Variants in NOL4L observed in about 807,000 individuals in gnomAD.
The protein encoded by NOL4L is nucleolar protein 4 like.
A neutral mutation model predicts 64.5 loss-of-function variants in NOL4L; 7 were observed. That is an observed-to-expected ratio of 0.11 (90% confidence interval 0.06 to 0.20). The LOEUF (loss-of-function observed/expected upper bound fraction) is 0.20, where lower values mean the gene tolerates loss of function less well. NOL4L is among the 10% of genes least tolerant of loss of function. NOL4L has a pLI of 1.00. For missense variants in NOL4L, 680 were observed against 967.1 expected, an observed-to-expected ratio of 0.70 and a Z score of 3.94; for synonymous variants, 413 against 401.0, an observed-to-expected ratio of 1.03 and a Z score of -0.36.
intron 1 of NOL4L, 47 bp from the exon 2 acceptor site, chr20:32,527,960 G>A (rs975092541): frequency 3.5e-5 from 53 of 1,530,170 alleles, no homozygotes; most frequent in Non-Finnish European, 4.1e-5. Flanking sequence ...ATGATGGCGG[G>A]GTGAGAACTG....
At chr20:32,488,851 CTTTCTTTCTTTCTTTCTTTCTTTCT>C (rs1568649181) in intron 4 of NOL4L, among the ~76,000 whole-genome samples, 10 of 70,730 alleles carry the variant, frequency 1.4e-4, no homozygotes, top group African/African-American at 8.7e-4. Context: ...TTCTTTCTTT[CTTTCTTTCTTTCTTTCTTTCTTTCT>C]TTCTTTCTTT....
chr20:32,501,407 A>G (rs1319248353), intron 4 of NOL4L, among the ~76,000 whole-genome samples: 1 of 152,270 alleles, frequency 6.6e-6, no homozygotes, highest in East Asian at 1.9e-4. Context: ...ATTAAATGGA[A>G]TTAAATGTTA....
chr20:32,490,673 C>T (rs951987528), intron 4 of NOL4L, among the ~76,000 whole-genome samples: 2 of 152,168 alleles, frequency 1.3e-5, no homozygotes, highest in Non-Finnish European at 2.9e-5. Context: ...TTTTCCATTA[C>T]GAATACAACT....
At chr20:32,568,268 T>C (rs1156345765) in intron 1 of NOL4L, among the ~76,000 whole-genome samples, 1 of 152,184 alleles carries the variant, frequency 6.6e-6, no homozygotes, top group Non-Finnish European at 1.5e-5. Flanking sequence ...TCTATGGGTC[T>C]CAACAGTGCA....
At chr20:32,494,253 G>GGAAA (rs2016583470) in intron 4 of NOL4L, among the ~76,000 whole-genome samples, 1 of 22,064 alleles carries the variant, frequency 4.5e-5, no homozygotes, top group African/African-American at 1.4e-4. Context: ...ATAATCTCGG[G>GGAAA]AAAAAAAAAA....
chr20:32,550,041 CAT>C (rs553095508), intron 1 of NOL4L, among the ~76,000 whole-genome samples: 10 of 152,238 alleles, frequency 6.6e-5, no homozygotes, highest in South Asian at 2.1e-4. Context: ...AAATAAATAA[CAT>C]GTGGTATGTC....
intron 6 of NOL4L, chr20:32,454,080 A>G (rs1178987783): frequency 6.2e-6 from 2 of 320,552 alleles, no homozygotes; most frequent in East Asian, 1.1e-4. Context: ...GGCCAACACC[A>G]GGACCTGCCA....
Position 32,447,147 on chromosome 20 carries a change from T to C in NOL4L, c.*449A>G, listed in dbSNP as rs1456801012. 4.8e-5 allele frequency: 21 copies of C among 438,872 alleles called. 1 individual carries two copies. The highest frequency in any genetic ancestry group is 3.1e-4 in the South Asian group (19 of 60,556). 27.2% of individuals were successfully genotyped at this position (438,872 alleles called of 1,614,324 possible). On this transcript the variant is annotated 3_prime_UTR_variant, in exon 11 of 11. Transcript: ENST00000621426. ...AGCAATCTGTACAAACACAAAAGAA[T>C]CCATTTTCAGAAAAATAAATTACTA...
intron 1 of NOL4L, among the ~76,000 whole-genome samples, chr20:32,583,688 C>G (rs1296342784): frequency 4.0e-5 from 6 of 148,648 alleles, no homozygotes; most frequent in Non-Finnish European, 9.0e-5. Flanking sequence ...AATGAGGTCC[C>G]GGCGGGGGAG....
intron 1 of NOL4L, among the ~76,000 whole-genome samples, chr20:32,551,059 A>AAAT (rs937561532): frequency 1.3e-5 from 2 of 151,732 alleles, no homozygotes; most frequent in Admixed American, 1.3e-4. Flanking sequence ...CCATCTCAAA[A>AAAT]AATAATAATA....
intron 1 of NOL4L, among the ~76,000 whole-genome samples, chr20:32,548,282 C>A (rs1381981497): frequency 6.6e-6 from 1 of 152,208 alleles, no homozygotes; most frequent in Non-Finnish European, 1.5e-5. Flanking sequence ...ACAACAGATG[C>A]TCATTCAAGA....
At chr20:32,531,455 C>T (rs111304545) in intron 1 of NOL4L, among the ~76,000 whole-genome samples, 9 of 151,692 alleles carry the variant, frequency 5.9e-5, no homozygotes, top group Admixed American at 1.3e-4. Context: ...TGGGTTCAAA[C>T]GATTCTCCTG....
At chr20:32,470,995 G>T (rs1472156294) in intron 5 of NOL4L, among the ~76,000 whole-genome samples, 1 of 152,248 alleles carries the variant, frequency 6.6e-6, no homozygotes, top group East Asian at 1.9e-4. Flanking sequence ...ACCAGTGGCT[G>T]TGATCGCAGG....
intron 1 of NOL4L, among the ~76,000 whole-genome samples, chr20:32,559,808 G>A (rs1003207275): frequency 2.0e-5 from 3 of 152,226 alleles, no homozygotes; most frequent in African/African-American, 7.2e-5. Flanking sequence ...CCTCCCAGGC[G>A]TGGGCATCCC....
chr20:32,570,880 C>T (rs1056243696), intron 1 of NOL4L, among the ~76,000 whole-genome samples: 2 of 152,202 alleles, frequency 1.3e-5, no homozygotes, highest in Non-Finnish European at 1.5e-5. Flanking sequence ...CACTCAACCA[C>T]GACCCTTAAG....
intron 4 of NOL4L, among the ~76,000 whole-genome samples, chr20:32,500,139 GCT>G (rs1351563800): frequency 6.6e-6 from 1 of 152,280 alleles, no homozygotes; most frequent in Admixed American, 6.5e-5. Flanking sequence ...TATGCTTTTT[GCT>G]CTGTCAGCTG....
At chr20:32,484,827 C>G (rs2015985226) in intron 4 of NOL4L, among the ~76,000 whole-genome samples, 1 of 151,918 alleles carries the variant, frequency 6.6e-6, no homozygotes, top group South Asian at 2.1e-4. Context: ...GGACTGGCAT[C>G]GCGGGGTGGG....
intron 1 of NOL4L, among the ~76,000 whole-genome samples, chr20:32,532,677 C>A (rs1346032111): frequency 6.6e-6 from 1 of 152,210 alleles, no homozygotes; most frequent in African/African-American, 2.4e-5. Context: ...ATCCATTGCC[C>A]TAAGCAAACT....
At position 32,582,689 on chromosome 20, in the gene NOL4L, T is replaced by C. The variant is rs373989808; in HGVS notation, c.321+1881A>G. Among the ~76,000 whole-genome samples the C allele has an allele frequency of 2.0e-3, 29 of 14,176 alleles. No homozygotes were observed. The East Asian group carries it at 0.048, about 24-fold the overall frequency. 9.3% of individuals were successfully genotyped at this position (14,176 alleles called of 152,430 possible). A position where few individuals can be genotyped will look rare whatever the true frequency, so the allele number is the denominator to read the frequency against. ...GCTCTTCAGGGAGGTGTAACCAGGA[T>C]GGGGGGGTGGGGTGGGGCACCGACC... On this transcript the variant is annotated intron_variant, in intron 1 of 10. Coordinates refer to ENST00000621426, the MANE Select transcript of NOL4L (RefSeq NM_001256798.2).
Sources: allele counts gnomAD v4.1 joint callset (sites outside exome capture counted in the v4.1 genomes callset), GRCh38; gene constraint gnomAD v4.1.1; transcripts MANE v1.5; gene names NCBI Gene and HGNC (gene_info 2026-07-23, HGNC 2026-07-21).